Variants in STRAP observed in about 807,000 individuals in gnomAD.
STRAP encodes serine/threonine kinase receptor associated protein, also known as serine-threonine kinase receptor-associated protein.
In STRAP, 16 loss-of-function variants were observed where a neutral mutation model predicts 47.0. The ratio of observed to expected loss-of-function variants is 0.34; its 90% CI spans 0.23 to 0.52. The LOEUF is 0.52. Among genes scored for constraint, STRAP ranks in the 20% least tolerant of loss-of-function variants. The pLI is 0.96. For synonymous variants in STRAP, 130 were observed against 142.7 expected (o/e 0.91, Z 0.63); for missense variants, 293 against 420.0 (o/e 0.70, Z 2.64).
At chr12:15,892,048 G>C (rs942334986) in intron 4 of STRAP, among the ~76,000 whole-genome samples, 2 of 152,084 alleles carry the variant, frequency 1.3e-5, no homozygotes, top group African/African-American at 2.4e-5. Context: ...ACATGTTCTA[G>C]TGAGCACTGA....
At chr12:15,898,071 A>G in intron 7 of STRAP, 53 bp downstream of exon 7, 2 of 1,467,390 alleles carry the variant, frequency 1.4e-6, no homozygotes, top group Non-Finnish European at 9.2e-7. Flanking sequence ...GTTAAGTCCC[A>G]GTAATTAACA....
Position 15,896,039 on chromosome 12 carries a change from A to G in STRAP, c.638+543A>G, listed in dbSNP as rs1003695857. ...GGGGATTGAGACCAGCCTGGCCAAC[A>G]TGGTGAAACCCCGTCTCTAAAATAA... is the stretch of plus-strand genomic sequence containing the variant. On this transcript the variant is annotated intron_variant, in intron 6 of 9. Transcript: ENST00000419869. The surrounding 1 kb of genome is among the most constrained non-coding windows in gnomAD (Gnocchi z 4.1). Among the ~76,000 whole-genome samples, 30 of 151,844 alleles carry G rather than the reference A, an allele frequency of 2.0e-4. No homozygotes were observed. The highest frequency in any genetic ancestry group is 7.0e-4 in the African/African-American group (29 of 41,396).
rs1350137831 is a variant in STRAP, at chr12:15,897,535, T to C, written c.639-347T>C. Among the ~76,000 whole-genome samples, 4 of 152,064 alleles carry C rather than the reference T, an allele frequency of 2.6e-5. No individual in the cohort carries two copies. In the East Asian group the frequency reaches 7.7e-4, roughly 29 times the overall value. On this transcript the variant is annotated intron_variant, in intron 6 of 9. Transcript: ENST00000419869. ...AAGATAATATGTGGTTGTAGAAAAA[T>C]GAAACAATACAGGTGAAGTTTATTT...
At chr12:15,897,790 C>T (rs1489001342) in intron 6 of STRAP, 92 bp from the exon 7 acceptor site, 27 of 760,402 alleles carry the variant, frequency 3.6e-5, no homozygotes, top group South Asian at 1.5e-4. Flanking sequence ...TTTAATTGTT[C>T]CTTGGGTTTC....
intron 2 of STRAP, among the ~76,000 whole-genome samples, chr12:15,885,193 T>TTTTGTTTG (rs1947959636): frequency 6.7e-6 from 1 of 148,870 alleles, no homozygotes; most frequent in African/African-American, 2.5e-5. Flanking sequence ...TTTTTTTTTT[T>TTTTGTTTG]TTTTTTTTTT....
At chr12:15,897,206 A>T (rs1948066372) in intron 6 of STRAP, among the ~76,000 whole-genome samples, 1 of 152,208 alleles carries the variant, frequency 6.6e-6, no homozygotes, top group Non-Finnish European at 1.5e-5. Flanking sequence ...AGGAGCTGGG[A>T]TACTATAATG....
At position 15,892,781 on chromosome 12, in the gene STRAP, C is replaced by G. The variant is rs112979141; in HGVS notation, c.404-1266C>G. On this transcript the variant is annotated intron_variant, in intron 4 of 9. Coordinates refer to ENST00000419869, the MANE Select transcript of STRAP (RefSeq NM_007178.4). ...CTATGCCAAAACATAGCAAAGGACT[C>G]TGACCTCACTTCTTCTATGAACCCA... is the stretch of plus-strand genomic sequence containing the variant. 3.7e-3 allele frequency among the ~76,000 whole-genome samples: 560 copies of G among 152,216 alleles called. 5 individuals are homozygous for G. Among genetic ancestry groups the G allele is most frequent in the African/African-American group, 0.012 (510 of 41,534 alleles).
intron 6 of STRAP, 51 bp from the exon 7 acceptor site, chr12:15,897,830 GT>G: frequency 7.7e-7 from 1 of 1,296,840 alleles, no homozygotes; most frequent in Non-Finnish European, 1.0e-6. Context: ...AATGTAACTC[GT>G]TATTTATACC....
intron 4 of STRAP, 140 bp from the exon 5 acceptor site, chr12:15,893,907 C>T (rs1948038692): frequency 3.1e-6 from 2 of 651,710 alleles, no homozygotes; most frequent in Admixed American, 2.9e-5. Flanking sequence ...ATATAAACAT[C>T]AAGTTTGAAT....
intron 1 of STRAP, 63 bp downstream of exon 1, chr12:15,882,882 G>T (rs989832551): frequency 2.0e-6 from 3 of 1,511,630 alleles, no homozygotes; most frequent in African/African-American, 1.4e-5. Flanking sequence ...ATCGGGACCC[G>T]CACGCTCCAG....
At chr12:15,892,786 C>G (rs768531921) in intron 4 of STRAP, among the ~76,000 whole-genome samples, 18 of 152,030 alleles carry the variant, frequency 1.2e-4, no homozygotes, top group Non-Finnish European at 2.5e-4. Context: ...GGACTCTGAC[C>G]TCACTTCTTC....
chr12:15,898,227 C>T (rs887094503), intron 7 of STRAP: 1 of 291,776 alleles, frequency 3.4e-6, no homozygotes, highest in Non-Finnish European at 6.1e-6. Flanking sequence ...ACAAAGTATG[C>T]AGAAATTTAT....
intron 7 of STRAP, chr12:15,898,222 G>A (rs71581961): frequency 3.3e-6 from 1 of 305,582 alleles, no homozygotes; most frequent in Non-Finnish European, 5.8e-6. Flanking sequence ...TGTAAACAAA[G>A]TATGCAGAAA....
chr12:15,900,398 T>C (rs11056699), intron 8 of STRAP, among the ~76,000 whole-genome samples: 13,394 of 151,660 alleles, frequency 0.088, 1,952 homozygotes, highest in African/African-American at 0.3. Context: ...GGTGTGGTGG[T>C]ACATGCCTGT....
chr12:15,902,007 T>C (rs1053001196), intron 9 of STRAP, among the ~76,000 whole-genome samples: 1 of 151,900 alleles, frequency 6.6e-6, no homozygotes, highest in African/African-American at 2.4e-5. Context: ...GATGGAGTCT[T>C]GCTCTGTTGC....
chr12:15,899,188 C>T (rs1229054968), intron 7 of STRAP, among the ~76,000 whole-genome samples: 1 of 152,142 alleles, frequency 6.6e-6, no homozygotes, highest in African/African-American at 2.4e-5. Flanking sequence ...GTTCTTTGTA[C>T]TCTTACAACT....
In STRAP at chr12:15,882,607, C is replaced by A; in HGVS notation, c.-101C>A. On this transcript the variant is annotated 5_prime_UTR_variant, in exon 1 of 10. Coordinates refer to ENST00000419869, the MANE Select transcript of STRAP (RefSeq NM_007178.4). ...CTGTTGCCCAGCCCAGCCCTAGTGT[C>A]AGGGCGGGGGCCTGGAGCAGCCCGA... 2.0e-6 allele frequency: 2 copies of A among 989,316 alleles called. No homozygotes were observed. Among genetic ancestry groups the A allele is most frequent in the East Asian group, 2.6e-5 (1 of 38,392 alleles). The allele number at this position is 989,316 out of a possible 1,614,324, so 61.3% of individuals were successfully genotyped here.
chr12:15,898,088 T>TTATATATA, intron 7 of STRAP, 70 bp downstream of exon 7: 1 of 1,197,118 alleles, frequency 8.4e-7, no homozygotes, highest in Non-Finnish European at 1.1e-6. Context: ...AACACCTCAT[T>TTATATATA]TATATATATA....
Position 15,882,678 on chromosome 12 carries a change from G to C in STRAP, c.-30G>C, listed in dbSNP as rs1282555306. 1.3e-6 allele frequency: 2 copies of C among 1,581,178 alleles called. No homozygotes were observed. The highest frequency in any genetic ancestry group is 1.7e-6 in the Non-Finnish European group (2 of 1,162,320). Reference sequence around the variant, plus strand: ...AAAAGACAACGACGACCCTCAGCTCGCCAGTCCGGTCGCTGGCTTCGCCGC... The same window carrying C: ...AAAAGACAACGACGACCCTCAGCTCCCCAGTCCGGTCGCTGGCTTCGCCGC... On this transcript the variant is annotated 5_prime_UTR_variant, in exon 1 of 10. Transcript: ENST00000419869.
Sources: allele counts gnomAD v4.1 joint callset (sites outside exome capture counted in the v4.1 genomes callset), GRCh38; gene constraint gnomAD v4.1.1; non-coding constraint Gnocchi (gnomAD v3.1); transcripts MANE v1.5; gene names NCBI Gene and HGNC (gene_info 2026-07-23, HGNC 2026-07-21).